The following BCAS1 variants were observed in gnomAD, a reference collection of about 807,000 sequenced individuals.
The protein encoded by BCAS1 is breast carcinoma-amplified sequence 1.
In BCAS1, 46 loss-of-function variants were observed where a neutral mutation model predicts 65.4. That is an observed-to-expected ratio of 0.70 (90% confidence interval 0.55 to 0.90). The LOEUF (loss-of-function observed/expected upper bound fraction) is 0.90. Ranked by LOEUF, BCAS1 falls within the 40% of genes least tolerant of loss-of-function variation. The pLI is 0.00. For synonymous variants in BCAS1, 298 were observed against 293.5 expected (o/e 1.02, Z -0.16); for missense variants, 793 against 771.2 (o/e 1.03, Z -0.33).
At chr20:54,043,406 T>C (rs1335862584) in intron 3 of BCAS1, among the ~76,000 whole-genome samples, 1 of 152,100 alleles carries the variant, frequency 6.6e-6, no homozygotes, top group Non-Finnish European at 1.5e-5. Context: ...CTATCGGAGG[T>C]TGCCAACTAT....
At chr20:54,006,050 A>G (rs1338062873) in intron 4 of BCAS1, among the ~76,000 whole-genome samples, 2 of 152,324 alleles carry the variant, frequency 1.3e-5, no homozygotes, top group South Asian at 4.1e-4. Context: ...GCCTCACTCT[A>G]CCTTACCAGG....
Position 54,013,903 on chromosome 20 carries a change from G to A in BCAS1, c.723+14489C>T, listed in dbSNP as rs77223207. ...TTTTATTTCTTATATATGCTCAAAG[G>A]AACCCTAGAAAGATACATTAAAAAT... On this transcript the variant is annotated intron_variant, in intron 4 of 12. Transcript: ENST00000688948. 3.0e-3 allele frequency among the ~76,000 whole-genome samples: 450 copies of A among 152,272 alleles called. 2 individuals carry two copies. Among genetic ancestry groups the A allele is most frequent in the African/African-American group, 0.01 (432 of 41,544 alleles).
intron 1 of BCAS1, among the ~76,000 whole-genome samples, chr20:54,069,937 C>T (rs914164887): frequency 6.6e-6 from 1 of 152,208 alleles, no homozygotes; most frequent in Non-Finnish European, 1.5e-5. Flanking sequence ...TCAGCAGCTG[C>T]CTCATAGGGT....
intron 10 of BCAS1, 107 bp from the exon 11 acceptor site, chr20:53,957,604 G>T: frequency 9.3e-7 from 1 of 1,074,000 alleles, no homozygotes; most frequent in Non-Finnish European, 1.4e-6. Context: ...TGAGGTTTGG[G>T]GTCAAGACAA....
chr20:53,952,358 T>G (rs1179821519), intron 12 of BCAS1, among the ~76,000 whole-genome samples: 2 of 152,208 alleles, frequency 1.3e-5, no homozygotes, highest in African/African-American at 4.8e-5. Context: ...GGCTTCCATT[T>G]TGTAGAGGAG....
chr20:54,064,414 C>G (rs6123350), intron 1 of BCAS1, among the ~76,000 whole-genome samples: 21,138 of 152,248 alleles, frequency 0.14, 1,941 homozygotes, highest in East Asian at 0.32. Context: ...TCGGAGTCCA[C>G]AGACCACCAT....
intron 1 of BCAS1, chr20:54,068,501 C>T (rs1421936786): frequency 2.0e-5 from 3 of 153,704 alleles, no homozygotes; most frequent in Non-Finnish European, 4.4e-5. Context: ...TGCTCACTGG[C>T]TTCACCCTTG....
chr20:54,008,098 C>A (rs1221980444), intron 4 of BCAS1, among the ~76,000 whole-genome samples: 2 of 152,208 alleles, frequency 1.3e-5, no homozygotes, highest in Non-Finnish European at 2.9e-5. Context: ...AACTTTTAGA[C>A]AATGACCATA....
At chr20:53,954,763 C>T (rs887104455) in intron 11 of BCAS1, among the ~76,000 whole-genome samples, 2 of 152,086 alleles carry the variant, frequency 1.3e-5, no homozygotes, top group East Asian at 1.9e-4. Context: ...AAGAAAAGCA[C>T]CAGTTCAAGC....
intron 4 of BCAS1, among the ~76,000 whole-genome samples, chr20:54,021,650 TG>T (rs2146038937): frequency 6.6e-6 from 1 of 152,070 alleles, no homozygotes; most frequent in African/African-American, 2.4e-5. Context: ...AAACACCGCA[TG>T]TTCTCACTTA....
intron 6 of BCAS1, among the ~76,000 whole-genome samples, chr20:53,993,358 T>A (rs939014265): frequency 2.0e-5 from 3 of 151,230 alleles, no homozygotes; most frequent in African/African-American, 7.3e-5. Context: ...AAAGCATGAA[T>A]CCAAGAACTT....
chr20:53,985,170 T>C (rs1321304744), intron 8 of BCAS1, 117 bp downstream of exon 8: 5 of 1,010,618 alleles, frequency 4.9e-6, no homozygotes, highest in Admixed American at 4.5e-5. Flanking sequence ...CCGAGTCATT[T>C]TGAAGAAGAA....
intron 7 of BCAS1, among the ~76,000 whole-genome samples, chr20:53,990,793 G>T (rs901944415): frequency 6.6e-6 from 1 of 152,176 alleles, no homozygotes; most frequent in Admixed American, 6.6e-5. Flanking sequence ...CAGAACATTT[G>T]GGAGGTGTCC....
intron 3 of BCAS1, among the ~76,000 whole-genome samples, chr20:54,049,278 T>C (rs1266172892): frequency 6.6e-6 from 1 of 152,126 alleles, no homozygotes; most frequent in African/African-American, 2.4e-5. Context: ...AAAAGGAAAA[T>C]ACTAATTTTA....
chr20:53,974,236 G>C (rs1285576193), intron 9 of BCAS1, among the ~76,000 whole-genome samples: 2 of 152,154 alleles, frequency 1.3e-5, no homozygotes, highest in African/African-American at 4.8e-5. Context: ...AACCCGCTTG[G>C]GTCCCCTTCC....
At chr20:54,067,650 A>T (rs978872909) in intron 1 of BCAS1, among the ~76,000 whole-genome samples, 2 of 152,180 alleles carry the variant, frequency 1.3e-5, no homozygotes, top group Non-Finnish European at 2.9e-5. Context: ...ACAGATTAAT[A>T]ATAGGCCCTC....
chr20:53,992,146 T>G (rs1180491639), intron 7 of BCAS1, among the ~76,000 whole-genome samples: 1 of 134,826 alleles, frequency 7.4e-6, no homozygotes, highest in Non-Finnish European at 1.5e-5. Flanking sequence ...TGATATAAAG[T>G]TTCTTTTAAA....
At chr20:53,963,439 C>T (rs1199402173) in intron 10 of BCAS1, among the ~76,000 whole-genome samples, 2 of 151,698 alleles carry the variant, frequency 1.3e-5, no homozygotes, top group Admixed American at 6.6e-5. Context: ...AGAGATTGTG[C>T]CATTGCACTC....
At chr20:53,965,062 G>A (rs1225549085) in intron 10 of BCAS1, among the ~76,000 whole-genome samples, 1 of 151,898 alleles carries the variant, frequency 6.6e-6, no homozygotes, top group African/African-American at 2.4e-5. Flanking sequence ...GTAAAAATTG[G>A]TTTTAAAAAA....
Sources: allele counts gnomAD v4.1 joint callset (sites outside exome capture counted in the v4.1 genomes callset), GRCh38; gene constraint gnomAD v4.1.1; transcripts MANE v1.5; gene names NCBI Gene and HGNC (gene_info 2026-07-23, HGNC 2026-07-21).